Variants in SLC19A2 observed in about 807,000 individuals in gnomAD.
SLC19A2 encodes thiamine transporter 1.
Under a neutral mutation model 44.7 loss-of-function variants are expected in SLC19A2, and 27 were observed. The observed-to-expected ratio is 0.60, with a 90% CI of 0.45 to 0.83. The LOEUF (loss-of-function observed/expected upper bound fraction) is 0.83, where lower values mean the gene tolerates loss of function less well. Ranked by LOEUF, SLC19A2 falls within the 40% of genes least tolerant of loss-of-function variation. The pLI is 0.00. For synonymous variants in SLC19A2, 239 were observed against 243.6 expected (o/e 0.98, Z 0.18); for missense variants, 566 against 613.7 (o/e 0.92, Z 0.82).
In SLC19A2 at chr1:169,468,268, AAG is replaced by A. The variant is rs1320633815; in HGVS notation, c.1224-18_1224-17del. 1.1e-5 allele frequency: 17 copies of A among 1,601,862 alleles called. No homozygotes were observed. Among genetic ancestry groups the A allele is most frequent in the Non-Finnish European group, 1.3e-5 (15 of 1,170,002 alleles). On this transcript the variant is annotated splice_polypyrimidine_tract_variant and intron_variant, in intron 4 of 5. Coordinates refer to ENST00000236137, the MANE Select transcript of SLC19A2 (RefSeq NM_006996.3). ...AATTTGAAAACTTAAAAAAAAATAAAAGAGTGAATAAATAAGAATTACTTCTG... is the reference window on the plus strand; with the variant it reads ...AATTTGAAAACTTAAAAAAAAATAAAAGTGAATAAATAAGAATTACTTCTG...
chr1:169,476,413 AC>A (rs976624861), intron 2 of SLC19A2, among the ~76,000 whole-genome samples: 7 of 152,126 alleles, frequency 4.6e-5, no homozygotes, highest in Non-Finnish European at 8.8e-5. Context: ...TTAACTTCTT[AC>A]CCTTAAATAC....
intron 1 of SLC19A2, among the ~76,000 whole-genome samples, chr1:169,480,643 A>C (rs779158843): frequency 6.6e-6 from 1 of 152,060 alleles, no homozygotes; most frequent in Non-Finnish European, 1.5e-5. Flanking sequence ...TGTTTGACTA[A>C]GTGTCACCTT....
At chr1:169,472,303 T>C (rs1329692488) in intron 2 of SLC19A2, among the ~76,000 whole-genome samples, 1 of 152,190 alleles carries the variant, frequency 6.6e-6, no homozygotes, top group African/African-American at 2.4e-5. Context: ...TTAACCAATA[T>C]AACTTGGAAA....
chr1:169,468,302 TTATAA>T (rs1658083455), intron 4 of SLC19A2, 50 bp from the exon 5 acceptor site: 1 of 1,429,462 alleles, frequency 7.0e-7, no homozygotes, highest in Non-Finnish European at 9.7e-7. Flanking sequence ...TCTGGAGTAC[TTATAA>T]TATTTATTCT....
chr1:169,469,091 C>T, intron 3 of SLC19A2: 1 of 465,892 alleles, frequency 2.1e-6, no homozygotes, highest in Non-Finnish European at 3.9e-6. Context: ...GACACAGGGA[C>T]ATTGCTAAGG....
At chr1:169,480,565 G>T (rs1376197921) in intron 1 of SLC19A2, among the ~76,000 whole-genome samples, 2 of 152,076 alleles carry the variant, frequency 1.3e-5, no homozygotes, top group African/African-American at 4.8e-5. Context: ...GCCCGCCTCA[G>T]CCTCCCAAAG....
chr1:169,472,194 A>C (rs1230117045), intron 2 of SLC19A2, among the ~76,000 whole-genome samples: 3 of 152,226 alleles, frequency 2.0e-5, no homozygotes, highest in Non-Finnish European at 4.4e-5. Context: ...ATTTGCTAAG[A>C]GTGAGTGAAT....
chr1:169,470,447 T>C (rs1379897518), intron 2 of SLC19A2, among the ~76,000 whole-genome samples: 2 of 152,184 alleles, frequency 1.3e-5, no homozygotes, highest in Non-Finnish European at 2.9e-5. Flanking sequence ...AAAATGAAGA[T>C]GATGAAAAGA....
chr1:169,471,060 C>CAA (rs34821464), intron 2 of SLC19A2, among the ~76,000 whole-genome samples: 71 of 133,422 alleles, frequency 5.3e-4, no homozygotes, highest in East Asian at 3.1e-3. Flanking sequence ...CTATCTCTAC[C>CAA]AAAAAAAAAA....
intron 1 of SLC19A2, among the ~76,000 whole-genome samples, chr1:169,478,855 A>C (rs1658385659): frequency 6.6e-6 from 1 of 151,698 alleles, no homozygotes; most frequent in Admixed American, 6.6e-5. Flanking sequence ...TGAGCCCAGG[A>C]GTTTGGGGCT....
intron 2 of SLC19A2, among the ~76,000 whole-genome samples, chr1:169,473,271 G>A (rs369857640): frequency 8.5e-5 from 13 of 152,090 alleles, no homozygotes; most frequent in Admixed American, 5.9e-4. Flanking sequence ...CAGAGTCTCT[G>A]TTGCCCAGGC....
At chr1:169,480,381 C>T (rs189880487) in intron 1 of SLC19A2, among the ~76,000 whole-genome samples, 21 of 151,984 alleles carry the variant, frequency 1.4e-4, no homozygotes, top group South Asian at 4.1e-4. Flanking sequence ...GGCGTGATCT[C>T]GGCTCACTGC....
At chr1:169,468,956 A>C (rs1251311986) in intron 3 of SLC19A2, 120 bp from the exon 4 acceptor site, 12 of 851,470 alleles carry the variant, frequency 1.4e-5, no homozygotes, top group Non-Finnish European at 2.0e-5. Context: ...AGAATAGCTC[A>C]AGATTATGGA....
At chr1:169,472,665 A>C (rs1029611678) in intron 2 of SLC19A2, among the ~76,000 whole-genome samples, 11 of 152,348 alleles carry the variant, frequency 7.2e-5, no homozygotes, top group Admixed American at 5.9e-4. Context: ...TGAATTCCAC[A>C]CACAGAGGTT....
At chr1:169,479,082 T>G (rs1235322555) in intron 1 of SLC19A2, among the ~76,000 whole-genome samples, 1 of 152,222 alleles carries the variant, frequency 6.6e-6, no homozygotes, top group African/African-American at 2.4e-5. Context: ...GCATACTGTT[T>G]GGAAGATACT....
intron 1 of SLC19A2, among the ~76,000 whole-genome samples, chr1:169,483,090 T>C (rs1658478996): frequency 6.6e-6 from 1 of 152,224 alleles, no homozygotes; most frequent in African/African-American, 2.4e-5. Context: ...CACACTGGTA[T>C]CTGTTTTAAA....
intron 2 of SLC19A2, among the ~76,000 whole-genome samples, chr1:169,471,692 GTGTGTGTATATATACACACACACCAT>G (rs1658185981): frequency 6.9e-6 from 1 of 145,876 alleles, no homozygotes; most frequent in African/African-American, 2.5e-5. Context: ...GTGTGTGTGT[GTGTGTGTATATATACACACACACCAT>G]ATATATCATT....
Position 169,485,832 on chromosome 1 carries a change from G to C in SLC19A2, c.-66C>G. The stretch of plus-strand genomic sequence containing the variant: ...TCTCCTCCTCCGCCAACTGGAGTGA[G>C]GGTCAGGCACTTGTAACCGCGAGTG... On this transcript the variant is annotated 5_prime_UTR_variant, in exon 1 of 6. Transcript: ENST00000236137. 1.4e-6 allele frequency: 2 copies of C among 1,474,762 alleles called. No homozygotes were observed. Among genetic ancestry groups the C allele is most frequent in the Non-Finnish European group, 1.8e-6 (2 of 1,115,776 alleles). 91.4% of individuals were successfully genotyped at this position (1,474,762 alleles called of 1,614,324 possible). A position where few individuals can be genotyped will look rare whatever the true frequency, so the allele number is the denominator to read the frequency against.
chr1:169,470,258 A>T (rs1388655544), intron 2 of SLC19A2, 72 bp from the exon 3 acceptor site: 1 of 1,249,382 alleles, frequency 8.0e-7, no homozygotes, highest in Admixed American at 1.9e-5. Context: ...TACAGGCCCA[A>T]TTACTTACCT....
Sources: gnomAD v4.1 joint callset for allele counts (sites outside exome capture counted in the v4.1 genomes callset) on GRCh38, gnomAD v4.1.1 for gene constraint, MANE v1.5 for transcripts, NCBI Gene and HGNC (gene_info 2026-07-23, HGNC 2026-07-21) for gene names.